ZFAT: variants seen among roughly 807,000 people sequenced by gnomAD.
ZFAT encodes zinc finger and AT-hook domain containing.
ZFAT carries 64 observed loss-of-function variants against 117.7 expected under a neutral mutation model. The observed-to-expected ratio is 0.54, with a 90% CI of 0.44 to 0.67. ZFAT has a LOEUF of 0.67. Among genes scored for constraint, ZFAT ranks in the 30% least tolerant of loss-of-function variants. The probability of loss-of-function intolerance (pLI) is 0.00; values close to 1 mark genes in which losing one functional copy is unlikely to be tolerated. For synonymous variants in ZFAT, 679 were observed against 615.0 expected (o/e 1.10, Z -1.54); for missense variants, 1,433 against 1,584.5 (o/e 0.90, Z 1.62).
the ZFAT span, among the ~76,000 whole-genome samples, chr8:134,758,800 C>T: frequency 6.6e-6 from 1 of 152,332 alleles, no homozygotes; most frequent in Non-Finnish European, 1.5e-5. Context: ...ATTCCTTTGA[C>T]TGATACTGAT....
chr8:134,813,663 C>T, the ZFAT span, among the ~76,000 whole-genome samples: 1 of 152,172 alleles, frequency 6.6e-6, no homozygotes, highest in Non-Finnish European at 1.5e-5. Flanking sequence ...GATCCACCTG[C>T]CTCAGCCGCC....
At chr8:134,543,978 T>C (rs569466641) in intron 11 of ZFAT, among the ~76,000 whole-genome samples, 1 of 152,320 alleles carries the variant, frequency 6.6e-6, no homozygotes, top group East Asian at 1.9e-4. Context: ...TAACCTCAAG[T>C]TATTAAAAAT....
the ZFAT span, among the ~76,000 whole-genome samples, chr8:134,782,771 T>C: frequency 3.3e-5 from 5 of 151,902 alleles, no homozygotes; most frequent in African/African-American, 1.2e-4. Flanking sequence ...GAACTATGAG[T>C]CCATTAAACC....
chr8:134,672,366 T>C (rs201853947), intron 1 of ZFAT, among the ~76,000 whole-genome samples: 1 of 152,014 alleles, frequency 6.6e-6, no homozygotes, highest in Non-Finnish European at 1.5e-5. Context: ...ATGAGAACAC[T>C]TGGACACAGG....
At chr8:134,594,796 A>G (rs901167232) in intron 7 of ZFAT, 4 of 152,202 alleles carry the variant, frequency 2.6e-5, no homozygotes, top group African/African-American at 9.7e-5. Context: ...AGAAAGTAAC[A>G]TCAAACTTAC....
At chr8:134,725,211 C>G in the ZFAT span, among the ~76,000 whole-genome samples, 1 of 152,214 alleles carries the variant, frequency 6.6e-6, no homozygotes, top group Admixed American at 6.5e-5. Context: ...ACTACTTTCT[C>G]CCTCAGAACT....
chr8:134,775,102 A>AG, the ZFAT span, among the ~76,000 whole-genome samples: 1 of 152,204 alleles, frequency 6.6e-6, no homozygotes, highest in South Asian at 2.1e-4. Flanking sequence ...TGGGTGACAG[A>AG]GAGAGACTCC....
At chr8:134,639,458 G>A (rs572987832) in intron 2 of ZFAT, among the ~76,000 whole-genome samples, 1 of 152,218 alleles carries the variant, frequency 6.6e-6, no homozygotes, top group East Asian at 1.9e-4. Context: ...GGGCATGGTG[G>A]GCAGGGGAGC....
At chr8:134,599,495 CT>C (rs1431797853) in intron 7 of ZFAT, 1 of 279,196 alleles carries the variant, frequency 3.6e-6, no homozygotes, top group Non-Finnish European at 7.0e-6. Context: ...AGACAAGTGA[CT>C]TGCCCAAGGC....
At chr8:134,774,445 C>T in the ZFAT span, among the ~76,000 whole-genome samples, 1 of 152,332 alleles carries the variant, frequency 6.6e-6, no homozygotes, top group South Asian at 2.1e-4. Flanking sequence ...CCATAACATT[C>T]AGCAACCACC....
At chr8:134,698,616 C>T (rs1833936444) in intron 1 of ZFAT, among the ~76,000 whole-genome samples, 1 of 152,134 alleles carries the variant, frequency 6.6e-6, no homozygotes, top group African/African-American at 2.4e-5. Context: ...CTGGTAGAAG[C>T]GTCAGACGGT....
chr8:134,739,020 T>C, the ZFAT span, among the ~76,000 whole-genome samples: 8 of 152,122 alleles, frequency 5.3e-5, no homozygotes, highest in Non-Finnish European at 8.8e-5. Context: ...CAGGATGGCA[T>C]AGGACTCCAG....
At chr8:134,688,795 A>G (rs968563741) in intron 1 of ZFAT, among the ~76,000 whole-genome samples, 1 of 152,156 alleles carries the variant, frequency 6.6e-6, no homozygotes, top group Non-Finnish European at 1.5e-5. Context: ...CCATCAAGAG[A>G]AGGAAGAGAC....
intron 9 of ZFAT, among the ~76,000 whole-genome samples, chr8:134,586,466 A>G (rs1037611557): frequency 3.4e-4 from 51 of 152,212 alleles, no homozygotes; most frequent in African/African-American, 1.1e-3. Context: ...ATACATGGTG[A>G]GGGTGGGATT....
At chr8:134,758,136 A>G in the ZFAT span, among the ~76,000 whole-genome samples, 3 of 152,170 alleles carry the variant, frequency 2.0e-5, no homozygotes, top group Non-Finnish European at 4.4e-5. Context: ...TAGACATAGG[A>G]GCTTGATGTA....
At chr8:134,785,391 T>A in the ZFAT span, 1 of 152,146 alleles carries the variant, frequency 6.6e-6, no homozygotes, top group Non-Finnish European at 1.5e-5. Context: ...GTGTGACTCT[T>A]TTTCTTCATG....
chr8:134,592,334 G>A (rs1478638838), intron 7 of ZFAT, among the ~76,000 whole-genome samples: 1 of 152,178 alleles, frequency 6.6e-6, no homozygotes, highest in Non-Finnish European at 1.5e-5. Context: ...TATCCTATGA[G>A]GCCTTTAGAA....
chr8:134,583,992 G>C lies in ZFAT; in HGVS notation c.2727C>G (p.Phe909Leu). 1 of 1,556,240 alleles carries C rather than the reference G, an allele frequency of 6.4e-7. No individual in the cohort carries two copies. The highest frequency in any genetic ancestry group is 8.7e-7 in the Non-Finnish European group (1 of 1,149,078). ...TTGCATACTCACACAAAGAACACTT[G>C]AAGGGCTTCACACCTGCCAAGGGAA... ...HIWAHEGVKP[F>L]KCSLCEYATR... Residue 909 changes from phenylalanine to leucine, a missense_variant, in exon 10 of 16, where the codon TTC (phenylalanine) becomes TTG (leucine). This residue lies in a region of ZFAT where 503 missense variants were observed against 543.4 expected (regional missense o/e 0.93). Transcript: ENST00000377838.
intron 10 of ZFAT, among the ~76,000 whole-genome samples, chr8:134,576,709 G>C (rs1825329462): frequency 6.6e-6 from 1 of 152,132 alleles, no homozygotes; most frequent in Non-Finnish European, 1.5e-5. Flanking sequence ...AGATCTCCTA[G>C]AATATTTTAA....
Sources: gnomAD v4.1 joint callset for allele counts (sites outside exome capture counted in the v4.1 genomes callset) on GRCh38, gnomAD v4.1.1 for gene constraint, gnomAD v4.1.1 regional missense constraint, MANE v1.5 for transcripts, NCBI Gene and HGNC (gene_info 2026-07-23, HGNC 2026-07-21) for gene names.